FAP: variants seen among roughly 807,000 people sequenced by gnomAD.
FAP encodes prolyl endopeptidase FAP.
FAP carries 110 observed loss-of-function variants against 126.5 expected under a neutral mutation model. The observed-to-expected ratio is 0.87, with a 90% CI of 0.74 to 1.02. The LOEUF (loss-of-function observed/expected upper bound fraction) is 1.02, where lower values mean the gene tolerates loss of function less well. Among genes scored for constraint, FAP ranks in the 50% least tolerant of loss-of-function variants. FAP has a pLI of 0.00. For missense variants in FAP, 919 were observed against 909.2 expected (o/e 1.01, Z -0.14); for synonymous variants, 334 against 297.3 (o/e 1.12, Z -1.27).
intron 17 of FAP, among the ~76,000 whole-genome samples, chr2:162,190,115 T>TA (rs1175388733): frequency 3.3e-5 from 5 of 152,022 alleles, no homozygotes; most frequent in African/African-American, 7.2e-5. Flanking sequence ...ATCATATACT[T>TA]AAAAAAATGT....
intron 6 of FAP, 33 bp downstream of exon 6, chr2:162,223,575 T>G: frequency 7.5e-7 from 1 of 1,327,608 alleles, no homozygotes; most frequent in African/African-American, 1.4e-5. Flanking sequence ...AGGTATTAGA[T>G]TTAAGTAGTA....
In FAP at chr2:162,194,758, G is replaced by C; in HGVS notation, c.1403-10C>G. On this transcript the variant is annotated splice_polypyrimidine_tract_variant and intron_variant, in intron 16 of 25. Coordinates refer to ENST00000188790, the MANE Select transcript of FAP (RefSeq NM_004460.5). ...ATGGGGATGCCTGGGCCTGTGGGCA[G>C]GATGAAAACAAAATCATGGCTTAGT... 4 of 1,613,224 alleles carry C rather than the reference G, an allele frequency of 2.5e-6. No individual in the cohort carries two copies. Among genetic ancestry groups the C allele is most frequent in the Non-Finnish European group, 3.4e-6 (4 of 1,179,356 alleles).
Position 162,189,654 on chromosome 2 carries a change from A to G in FAP, c.1549+2T>C, listed in dbSNP as rs1687971964. The G allele has an allele frequency of 2.7e-6, 4 of 1,494,480 alleles. No homozygotes were observed. In the East Asian group the frequency reaches 9.1e-5, roughly 34 times the overall value. The allele number at this position is 1,494,480 out of a possible 1,614,324, so 92.6% of individuals were successfully genotyped here. A position where few individuals can be genotyped will look rare whatever the true frequency, so the allele number is the denominator to read the frequency against. ...AAATGAGAAGTTTTTAAAAGATCTT[A>G]CTAATTTCATCTACTTCAAGTTTCT... On this transcript the variant is annotated splice_donor_variant, in intron 18 of 25. Coordinates refer to ENST00000188790, the MANE Select transcript of FAP (RefSeq NM_004460.5). LOFTEE classifies it high-confidence loss of function.
intron 14 of FAP, among the ~76,000 whole-genome samples, chr2:162,201,387 A>G (rs191912239): frequency 6.6e-6 from 1 of 152,152 alleles, no homozygotes; most frequent in East Asian, 1.9e-4. Flanking sequence ...ATGGAATACA[A>G]CTCGTTTTTA....
At position 162,171,092 on chromosome 2, in the gene FAP, A is replaced by T. The variant is rs763100077; in HGVS notation, c.2182-12T>A. 1.2e-6 allele frequency: 2 copies of T among 1,609,578 alleles called. No individual in the cohort carries two copies. The highest frequency in any genetic ancestry group is 1.3e-5 in the African/African-American group (1 of 74,710). On this transcript the variant is annotated splice_polypyrimidine_tract_variant and intron_variant, in intron 25 of 25. Coordinates refer to ENST00000188790, the MANE Select transcript of FAP (RefSeq NM_004460.5). ...TGGTCAGAGTACCACTGAAACACAA[A>T]GAAAAAAGCTTGTTTTATTCCTGCA...
At chr2:162,221,865 A>G (rs1181165887) in intron 6 of FAP, among the ~76,000 whole-genome samples, 1 of 152,154 alleles carries the variant, frequency 6.6e-6, no homozygotes, top group African/African-American at 2.4e-5. Flanking sequence ...CATATAAAAG[A>G]CTTGAAATTG....
chr2:162,187,999 T>C (rs995805531), intron 20 of FAP, among the ~76,000 whole-genome samples, 170 bp downstream of exon 20: 5 of 152,134 alleles, frequency 3.3e-5, no homozygotes, highest in African/African-American at 1.2e-4. Context: ...CTTCCATAAA[T>C]ACTTTTTTTT....
intron 7 of FAP, among the ~76,000 whole-genome samples, 180 bp downstream of exon 7, chr2:162,219,673 G>C (rs757293999): frequency 1.3e-5 from 2 of 152,134 alleles, no homozygotes; most frequent in Admixed American, 6.5e-5. Flanking sequence ...CCATGAGCTT[G>C]AGATTTTGCG....
At chr2:162,198,363 A>G (rs1161000526) in intron 16 of FAP, 7 of 1,280,648 alleles carry the variant, frequency 5.5e-6, no homozygotes, top group East Asian at 5.5e-5. Flanking sequence ...CCATTTTATC[A>G]GAGAACATTT....
intron 4 of FAP, 72 bp from the exon 5 acceptor site, chr2:162,224,612 A>G (rs1217631279): frequency 1.1e-6 from 1 of 898,136 alleles, no homozygotes; most frequent in Non-Finnish European, 1.7e-6. Context: ...TAGTTTTAAA[A>G]GAATATTATA....
chr2:162,188,479 TG>T lies in FAP; in HGVS notation c.1620-117del. ...GTACAATTATGTGATAAAATAACAA[TG>T]GCGTTAGAACTGGCTCAAAATCAAG... On this transcript the variant is annotated intron_variant, in intron 19 of 25. Coordinates refer to ENST00000188790, the MANE Select transcript of FAP (RefSeq NM_004460.5). 3 of 918,176 alleles carry T rather than the reference TG, an allele frequency of 3.3e-6. No homozygotes were observed. In the South Asian group the frequency reaches 5.2e-5, roughly 16 times the overall value. The allele number at this position is 918,176 out of a possible 1,614,324, so 56.9% of individuals were successfully genotyped here. A position where few individuals can be genotyped will look rare whatever the true frequency, so the allele number is the denominator to read the frequency against.
At chr2:162,192,422 C>G (rs1459482592) in intron 17 of FAP, among the ~76,000 whole-genome samples, 1 of 151,976 alleles carries the variant, frequency 6.6e-6, no homozygotes, top group Non-Finnish European at 1.5e-5. Context: ...TCAAGTTTAT[C>G]CCCCTCCTTC....
chr2:162,189,212 G>T, intron 18 of FAP, 40 bp from the exon 19 acceptor site: 1 of 1,174,620 alleles, frequency 8.5e-7, no homozygotes, highest in Non-Finnish European at 1.2e-6. Context: ...TCATTCCACA[G>T]CACTAGTAGC....
intron 16 of FAP, chr2:162,198,258 C>T (rs1249600695): frequency 1.0e-5 from 13 of 1,289,848 alleles, no homozygotes; most frequent in East Asian, 5.5e-5. Context: ...GATTGACCTC[C>T]GACGTGGGCA....
chr2:162,233,050 G>C (rs1689961786), intron 2 of FAP, among the ~76,000 whole-genome samples: 1 of 152,020 alleles, frequency 6.6e-6, no homozygotes, highest in Non-Finnish European at 1.5e-5. Flanking sequence ...TCCCTGGGCT[G>C]ACCCACCCCC....
Position 162,189,653 on chromosome 2 carries a change from T to C in FAP, c.1549+3A>G, listed in dbSNP as rs746093509. On this transcript the variant is annotated splice_donor_region_variant and intron_variant, in intron 18 of 25. Coordinates refer to ENST00000188790, the MANE Select transcript of FAP (RefSeq NM_004460.5). ...TAAATGAGAAGTTTTTAAAAGATCT[T>C]ACTAATTTCATCTACTTCAAGTTTC... is the stretch of plus-strand genomic sequence containing the variant. 1.3e-6 allele frequency: 2 copies of C among 1,492,176 alleles called. No individual in the cohort carries two copies. The highest frequency in any genetic ancestry group is 1.9e-5 in the Admixed American group (1 of 54,032). The allele number at this position is 1,492,176 out of a possible 1,614,324, so 92.4% of individuals were successfully genotyped here.
At chr2:162,234,997 G>T (rs564557807) in intron 2 of FAP, among the ~76,000 whole-genome samples, 2 of 152,242 alleles carry the variant, frequency 1.3e-5, no homozygotes, top group South Asian at 4.1e-4. Flanking sequence ...CAGCAGCTGC[G>T]GAGGGCGAAC....
chr2:162,226,757 T>C (rs1689670231), intron 2 of FAP, 136 bp from the exon 3 acceptor site: 1 of 540,296 alleles, frequency 1.9e-6, no homozygotes, highest in Non-Finnish European at 3.3e-6. Context: ...TGAACTCCTA[T>C]CATCATAACT....
At chr2:162,188,858 G>A (rs1288953561) in intron 19 of FAP, among the ~76,000 whole-genome samples, 1 of 151,752 alleles carries the variant, frequency 6.6e-6, no homozygotes, top group Admixed American at 6.6e-5. Context: ...TGACACATTC[G>A]GCAAATTGCC....
Sources: gnomAD v4.1 joint callset for allele counts (sites outside exome capture counted in the v4.1 genomes callset) on GRCh38, gnomAD v4.1.1 for gene constraint, MANE v1.5 for transcripts, NCBI Gene and HGNC (gene_info 2026-07-23, HGNC 2026-07-21) for gene names.